The following PTBP3 variants were observed in gnomAD, a reference collection of about 807,000 sequenced individuals.
PTBP3 encodes the protein polypyrimidine tract binding protein 3.
In PTBP3, 20 loss-of-function variants were observed where a neutral mutation model predicts 58.7. The observed-to-expected ratio is 0.34, with a 90% CI of 0.24 to 0.50. The LOEUF (loss-of-function observed/expected upper bound fraction) is 0.50. Among genes scored for constraint, PTBP3 ranks in the 20% least tolerant of loss-of-function variants. The pLI is 0.98. For synonymous variants in PTBP3, 185 were observed against 219.8 expected, an observed-to-expected ratio of 0.84 and a Z score of 1.40; for missense variants, 509 against 637.2, an observed-to-expected ratio of 0.80 and a Z score of 2.17.
At position 112,311,473 on chromosome 9, in the gene PTBP3, T is replaced by G. The variant is rs1208156487; in HGVS notation, c.-51-13557A>C. ...TTGACCCTGAACAACATGAGTGAGT[T>G]TGAACTGCCCGAGTCCAAATGAGGA... is the stretch of plus-strand genomic sequence containing the variant. On this transcript the variant is annotated intron_variant, in intron 1 of 13. Coordinates refer to ENST00000374257, the MANE Select transcript of PTBP3 (RefSeq NM_001163788.4). 2.0e-5 allele frequency among the ~76,000 whole-genome samples: 3 copies of G among 152,120 alleles called. No individual in the cohort carries two copies. The East Asian group carries it at 5.8e-4, about 29-fold the overall frequency.
chr9:112,324,379 G>A (rs1242802457), intron 1 of PTBP3, among the ~76,000 whole-genome samples: 1 of 152,236 alleles, frequency 6.6e-6, no homozygotes, highest in African/African-American at 2.4e-5. Flanking sequence ...AGGGCCTGGT[G>A]CAGTGGCTCA....
At chr9:112,320,679 A>T (rs1337833535) in intron 1 of PTBP3, among the ~76,000 whole-genome samples, 2 of 152,208 alleles carry the variant, frequency 1.3e-5, no homozygotes. Context: ...GTGTGATATT[A>T]ACATAAGAAT....
intron 1 of PTBP3, among the ~76,000 whole-genome samples, chr9:112,320,314 A>ATATATATATATTTTTTTTTTTT: frequency 1.3e-5 from 1 of 75,728 alleles, no homozygotes; most frequent in Non-Finnish European, 2.3e-5. Flanking sequence ...ATATATATAT[A>ATATATATATATTTTTTTTTTTT]TTTTTTTTTA....
intron 12 of PTBP3, among the ~76,000 whole-genome samples, chr9:112,225,438 TAC>T (rs564265329): frequency 4.3e-4 from 65 of 152,132 alleles, no homozygotes; most frequent in Non-Finnish European, 7.8e-4. Context: ...GCTTAATGGG[TAC>T]AGAGTTTCAG....
intron 4 of PTBP3, among the ~76,000 whole-genome samples, chr9:112,266,701 A>T (rs913411795): frequency 6.6e-6 from 1 of 152,236 alleles, no homozygotes; most frequent in Non-Finnish European, 1.5e-5. Context: ...TGTCCATAAC[A>T]TTACACAAAA....
chr9:112,323,109 G>A (rs566482614), intron 1 of PTBP3, among the ~76,000 whole-genome samples: 4 of 152,266 alleles, frequency 2.6e-5, no homozygotes, highest in South Asian at 2.1e-4. Context: ...AAAATTAGCC[G>A]GGCATGGTGC....
chr9:112,333,771 C>G (rs1830492764), upstream of PTBP3: 1 of 290,410 alleles, frequency 3.4e-6, no homozygotes, highest in Admixed American at 5.3e-5. Context: ...CCACCCTCGC[C>G]CCGCTGGCAG....
chr9:112,364,110 T>C, the PTBP3 span, among the ~76,000 whole-genome samples: 5 of 150,698 alleles, frequency 3.3e-5, no homozygotes, highest in Non-Finnish European at 7.4e-5. Flanking sequence ...CTTTCCAGAC[T>C]GGCTTCTTTC....
the PTBP3 span, among the ~76,000 whole-genome samples, chr9:112,377,757 C>A: frequency 6.6e-6 from 1 of 152,176 alleles, no homozygotes; most frequent in African/African-American, 2.4e-5. Context: ...TTCAAGACAT[C>A]TATTTTTCAA....
chr9:112,221,679 G>A lies in PTBP3; in HGVS notation c.*2172C>T. On this transcript the variant is annotated 3_prime_UTR_variant, in exon 14 of 14. Coordinates refer to ENST00000374257, the MANE Select transcript of PTBP3 (RefSeq NM_001163788.4). Reference sequence around the variant, plus strand: ...TAAAAACTCCCACAACTACATACATGAGTATATCTATCTATTCAGCCAAAC... The same window carrying A: ...TAAAAACTCCCACAACTACATACATAAGTATATCTATCTATTCAGCCAAAC... 1.0e-6 allele frequency: 1 copy of A among 985,106 alleles called. No individual in the cohort carries two copies. The highest frequency in any genetic ancestry group is 1.2e-6 in the Non-Finnish European group (1 of 829,704). The allele number at this position is 985,106 out of a possible 1,614,324, so 61.0% of individuals were successfully genotyped here. A position where few individuals can be genotyped will look rare whatever the true frequency, so the allele number is the denominator to read the frequency against.
chr9:112,371,646 ATTTTTT>A, the PTBP3 span, among the ~76,000 whole-genome samples: 3,860 of 127,544 alleles, frequency 0.03, 178 homozygotes, highest in African/African-American at 0.11. Context: ...TTTTTAGTAG[ATTTTTT>A]TTTTTTTTTT....
intron 2 of PTBP3, among the ~76,000 whole-genome samples, chr9:112,287,835 C>T (rs1195305171): frequency 6.6e-6 from 1 of 151,992 alleles, no homozygotes; most frequent in Non-Finnish European, 1.5e-5. Flanking sequence ...CTTGAACATA[C>T]TTTTAGTAAC....
At chr9:112,306,764 C>G (rs1829238522) in intron 1 of PTBP3, among the ~76,000 whole-genome samples, 1 of 151,934 alleles carries the variant, frequency 6.6e-6, no homozygotes, top group South Asian at 2.1e-4. Context: ...TACAGGCACA[C>G]ACCACCATGC....
the PTBP3 span, among the ~76,000 whole-genome samples, chr9:112,370,514 C>T: frequency 6.6e-6 from 1 of 152,078 alleles, no homozygotes; most frequent in South Asian, 2.1e-4. Context: ...GCATTCCAGA[C>T]TGGATGACAG....
chr9:112,267,268 C>T (rs1406090862), intron 4 of PTBP3, among the ~76,000 whole-genome samples: 1 of 151,990 alleles, frequency 6.6e-6, no homozygotes, highest in Admixed American at 6.5e-5. Flanking sequence ...CAGGCTCACG[C>T]CATTCCCCTG....
At chr9:112,235,966 G>T (rs1350188409) in intron 7 of PTBP3, among the ~76,000 whole-genome samples, 2 of 152,012 alleles carry the variant, frequency 1.3e-5, no homozygotes, top group Admixed American at 6.6e-5. Context: ...CACAGAGAAT[G>T]AGAAATGAAA....
intron 2 of PTBP3, among the ~76,000 whole-genome samples, chr9:112,290,699 T>C (rs377613550): frequency 0.062 from 3,955 of 64,300 alleles, 100 homozygotes; most frequent in Admixed American, 0.073. Context: ...TATATATATA[T>C]ATATATATAC....
In PTBP3 at chr9:112,286,174, C is replaced by G. The variant is rs572376699; in HGVS notation, c.35-10161G>C. ...GTTTGCATATATTTTCTTTCCCAAC[C>G]TTTGGCTTTTTACCTGAGATTTCAT... On this transcript the variant is annotated intron_variant, in intron 2 of 13. Coordinates refer to ENST00000374257, the MANE Select transcript of PTBP3 (RefSeq NM_001163788.4). Among the ~76,000 whole-genome samples the G allele has an allele frequency of 7.2e-5, 11 of 152,244 alleles. No homozygotes were observed. The South Asian group carries it at 2.1e-3, about 29-fold the overall frequency.
chr9:112,365,621 T>C, the PTBP3 span, among the ~76,000 whole-genome samples: 1 of 152,254 alleles, frequency 6.6e-6, no homozygotes, highest in African/African-American at 2.4e-5. Flanking sequence ...AGTAAATTAG[T>C]ACCAGTGGTG....
Sources: gnomAD v4.1 joint callset for allele counts (sites outside exome capture counted in the v4.1 genomes callset) on GRCh38, gnomAD v4.1.1 for gene constraint, MANE v1.5 for transcripts, NCBI Gene and HGNC (gene_info 2026-07-23, HGNC 2026-07-21) for gene names.